The following P2RY6 variants were observed in gnomAD, a reference collection of about 807,000 sequenced individuals.
P2RY6 encodes pyrimidinergic receptor P2Y6, also known as P2Y purinoceptor 6.
A neutral mutation model predicts 16.3 loss-of-function variants in P2RY6; 19 were observed. The ratio of observed to expected loss-of-function variants is 1.16; its 90% CI spans 0.81 to 1.71. P2RY6 has a LOEUF of 1.71. P2RY6 is among the 40% of genes most tolerant of loss of function. P2RY6 has a pLI of 0.00. For missense variants in P2RY6, 389 were observed against 455.5 expected (o/e 0.85, Z 1.33); for synonymous variants, 184 against 201.5 (o/e 0.91, Z 0.74).
At chr11:73,282,595 C>A (rs1277045752) in intron 1 of P2RY6, among the ~76,000 whole-genome samples, 1 of 152,188 alleles carries the variant, frequency 6.6e-6, no homozygotes, top group Non-Finnish European at 1.5e-5. Context: ...GGGAGCCTTG[C>A]TTGATACCAC....
Position 73,278,500 on chromosome 11 carries a change from T to C in P2RY6, c.-121+6034T>C, listed in dbSNP as rs183740746. On this transcript the variant is annotated intron_variant, in intron 1 of 2. Coordinates refer to ENST00000540124, the MANE Select transcript of P2RY6 (RefSeq NM_001277204.2). ...TTTAAAGTCATCCACTGAAACTCTA[T>C]GCCCATTAAATAATAACTCCCCATT... 4.2e-3 allele frequency among the ~76,000 whole-genome samples: 639 copies of C among 152,242 alleles called. 2 individuals carry two copies. Among genetic ancestry groups the C allele is most frequent in the Non-Finnish European group, 8.2e-3 (561 of 68,008 alleles).
intron 2 of P2RY6, among the ~76,000 whole-genome samples, chr11:73,296,245 T>C (rs1486981522): frequency 2.1e-5 from 3 of 144,576 alleles, no homozygotes; most frequent in Non-Finnish European, 4.5e-5. Flanking sequence ...TATATATATA[T>C]ATATATATAT....
At chr11:73,282,131 CA>C (rs1656510475) in intron 1 of P2RY6, among the ~76,000 whole-genome samples, 1 of 152,164 alleles carries the variant, frequency 6.6e-6, no homozygotes, top group African/African-American at 2.4e-5. Context: ...TGTTAGGGGG[CA>C]GGGGAGACTG....
chr11:73,289,592 C>G (rs138584320), intron 1 of P2RY6, among the ~76,000 whole-genome samples: 3,649 of 152,358 alleles, frequency 0.024, 67 homozygotes, highest in Middle Eastern at 0.058. Flanking sequence ...GCAGACCAGC[C>G]TTGCCCTCAC....
upstream of P2RY6, among the ~76,000 whole-genome samples, chr11:73,268,422 G>C (rs753583252): frequency 6.6e-6 from 1 of 152,088 alleles, no homozygotes; most frequent in South Asian, 2.1e-4. Context: ...CCAGGAGTTC[G>C]ATACCAGCCT....
At position 73,297,554 on chromosome 11, in the gene P2RY6, A is replaced by G. The variant is rs1420273178; in HGVS notation, c.*49A>G. The G allele has an allele frequency of 1.4e-6, 2 of 1,460,544 alleles. No individual in the cohort carries two copies. The highest frequency in any genetic ancestry group is 1.9e-6 in the Non-Finnish European group (2 of 1,059,668). The allele number at this position is 1,460,544 out of a possible 1,614,324, so 90.5% of individuals were successfully genotyped here. A position where few individuals can be genotyped will look rare whatever the true frequency, so the allele number is the denominator to read the frequency against. ...TCATATTTGCCATTGTGTCCGGGGC[A>G]CCAGGAGCCCCACCAACCCCAAACC... On this transcript the variant is annotated 3_prime_UTR_variant, in exon 3 of 3. Transcript: ENST00000540124.
chr11:73,265,260 C>T (rs945267697), intron 1 of P2RY6: 2 of 152,238 alleles, frequency 1.3e-5, no homozygotes, highest in Admixed American at 6.5e-5. Flanking sequence ...AAAGCTCACC[C>T]GGATCTGGGT....
intron 1 of P2RY6, among the ~76,000 whole-genome samples, chr11:73,274,824 G>T (rs528128598): frequency 6.6e-6 from 1 of 152,328 alleles, no homozygotes; most frequent in East Asian, 1.9e-4. Context: ...GAAGCTGGGT[G>T]CAACAGCCCA....
At chr11:73,287,526 G>A (rs1201183810) in intron 1 of P2RY6, among the ~76,000 whole-genome samples, 1 of 152,252 alleles carries the variant, frequency 6.6e-6, no homozygotes, top group East Asian at 1.9e-4. Flanking sequence ...TGGGTGGGAA[G>A]AAGCTACAGA....
At chr11:73,292,291 G>A (rs1013481257) in intron 1 of P2RY6, among the ~76,000 whole-genome samples, 2 of 152,218 alleles carry the variant, frequency 1.3e-5, no homozygotes, top group African/African-American at 2.4e-5. Context: ...AGAAGAAGAG[G>A]GAAGCGGGGG....
chr11:73,296,895 T>C lies in P2RY6; in HGVS notation c.377T>C (p.Leu126Pro). The C allele has an allele frequency of 6.2e-7, 1 of 1,610,194 alleles. No homozygotes were observed. The highest frequency in any genetic ancestry group is 8.5e-7 in the Non-Finnish European group (1 of 1,180,008). ...FLTCISFQRY[L>P]GICHPLAPWH... ...ACCTGCATCAGCTTCCAGCGCTACC[T>C]GGGCATCTGCCACCCGCTGGCCCCC... The change falls in exon 3 of 3, where the codon CTG (leucine) becomes CCG (proline). Residue 126 changes from leucine to proline, a missense_variant. Leu to Pro is a moderately conservative substitution (Grantham distance 98, BLOSUM62 -3). Transcript: ENST00000540124.
upstream of P2RY6, chr11:73,270,090 T>C (rs1863239317): frequency 1.3e-5 from 2 of 152,202 alleles, no homozygotes; most frequent in Admixed American, 1.3e-4. Context: ...ATCTGGATAG[T>C]GTCTAAAAAT....
chr11:73,286,385 T>C (rs1227053493), intron 1 of P2RY6, among the ~76,000 whole-genome samples: 1 of 151,946 alleles, frequency 6.6e-6, no homozygotes, highest in Non-Finnish European at 1.5e-5. Context: ...CTGCCTACCT[T>C]CGGGCCTCAG....
chr11:73,270,209 G>C (rs1863242926), upstream of P2RY6: 1 of 152,418 alleles, frequency 6.6e-6, no homozygotes, highest in East Asian at 1.9e-4. Flanking sequence ...GGCCAGAGAG[G>C]GATGGGACTG....
At chr11:73,294,980 C>T (rs1864415001) in intron 1 of P2RY6, among the ~76,000 whole-genome samples, 1 of 152,170 alleles carries the variant, frequency 6.6e-6, no homozygotes, top group Admixed American at 6.5e-5. Context: ...TTTGCCTGAA[C>T]CCTTTACCAC....
At chr11:73,282,519 C>T (rs1158684263) in intron 1 of P2RY6, among the ~76,000 whole-genome samples, 1 of 152,198 alleles carries the variant, frequency 6.6e-6, no homozygotes. Flanking sequence ...ACATCTCCAG[C>T]AGGTCTCTCT....
chr11:73,290,307 G>GA (rs1322929625), intron 1 of P2RY6, among the ~76,000 whole-genome samples: 5 of 41,864 alleles, frequency 1.2e-4, no homozygotes, highest in Non-Finnish European at 2.1e-4. Context: ...AGAAAGAAAA[G>GA]AAAGAAAGAA....
chr11:73,274,946 T>C (rs1863475412), intron 1 of P2RY6, among the ~76,000 whole-genome samples: 1 of 152,278 alleles, frequency 6.6e-6, no homozygotes, highest in Admixed American at 6.5e-5. Flanking sequence ...CCTCTGTGAC[T>C]GTTGGCTTGT....
intron 1 of P2RY6, among the ~76,000 whole-genome samples, chr11:73,287,840 C>A (rs1864028129): frequency 1.3e-5 from 2 of 152,208 alleles, no homozygotes; most frequent in African/African-American, 4.8e-5. Flanking sequence ...TCCTGGAGCA[C>A]TGGGTGGGAG....
Sources: allele counts gnomAD v4.1 joint callset (sites outside exome capture counted in the v4.1 genomes callset), GRCh38; gene constraint gnomAD v4.1.1; transcripts MANE v1.5; gene names NCBI Gene and HGNC (gene_info 2026-07-23, HGNC 2026-07-21).